The following PDK2 variants were observed in gnomAD, a reference collection of about 807,000 sequenced individuals.
PDK2 encodes the protein pyruvate dehydrogenase kinase, isozyme 2.
A neutral mutation model predicts 50.4 loss-of-function variants in PDK2; 34 were observed. The observed-to-expected ratio is 0.68, with a 90% CI of 0.51 to 0.90. PDK2 has a LOEUF of 0.90. Among genes scored for constraint, PDK2 ranks in the 40% least tolerant of loss-of-function variants. PDK2 has a pLI of 0.00. For synonymous variants in PDK2, 232 were observed against 216.0 expected (o/e 1.07, Z -0.65); for missense variants, 377 against 544.5 (o/e 0.69, Z 3.06).
chr17:50,095,851 G>A lies in PDK2; in HGVS notation c.118+298G>A, dbSNP rs1909910299. 3.7e-6 allele frequency: 4 copies of A among 1,068,440 alleles called. No individual in the cohort carries two copies. The South Asian group carries it at 7.3e-5, about 19-fold the overall frequency. 66.2% of individuals were successfully genotyped at this position (1,068,440 alleles called of 1,614,324 possible). A position where few individuals can be genotyped will look rare whatever the true frequency, so the allele number is the denominator to read the frequency against. On this transcript the variant is annotated intron_variant, in intron 1 of 10. Transcript: ENST00000503176. The stretch of plus-strand genomic sequence containing the variant: ...GCTGTGATGTTACTGCAGGAAGGGA[G>A]TAGGGTGGTATCCAGACGCGAAAGG...
intron 4 of PDK2, chr17:50,106,383 G>C (rs1910519063): frequency 5.7e-6 from 3 of 526,898 alleles, no homozygotes; most frequent in Non-Finnish European, 9.2e-6. Flanking sequence ...TTGTTGTTTA[G>C]AGTTTCTTAT....
chr17:50,100,132 C>A (rs1910148098), intron 2 of PDK2, among the ~76,000 whole-genome samples: 1 of 152,168 alleles, frequency 6.6e-6, no homozygotes, highest in South Asian at 2.1e-4. Context: ...AAGAAGCAAA[C>A]CCTCCTTTCT....
At chr17:50,107,031 G>A (rs764811754) in intron 5 of PDK2, 45 bp from the exon 6 acceptor site, 3 of 1,562,866 alleles carry the variant, frequency 1.9e-6, no homozygotes, top group Non-Finnish European at 1.8e-6. Context: ...AGGACTGCCT[G>A]CTGGGTGGGC....
At chr17:50,095,903 G>A in intron 1 of PDK2, 2 of 701,458 alleles carry the variant, frequency 2.9e-6, no homozygotes, top group Non-Finnish European at 3.6e-6. Flanking sequence ...CTCATGACTG[G>A]AGGAGTAGGG....
rs1179494432 is a variant in PDK2 at position 50,108,427 on chromosome 17, C to A, written c.861+10C>A. ...AGATCTGTCCATCAAGGTATGTGAC[C>A]CTTTGACCTTGGGGACCAGGGAGCA... On this transcript the variant is annotated intron_variant, in intron 8 of 10. Coordinates refer to ENST00000503176, the MANE Select transcript of PDK2 (RefSeq NM_002611.5). 1.2e-6 allele frequency: 2 copies of A among 1,603,046 alleles called. No individual in the cohort carries two copies. Among genetic ancestry groups the A allele is most frequent in the African/African-American group, 2.7e-5 (2 of 74,642 alleles).
chr17:50,100,814 T>C (rs1035820382), intron 2 of PDK2: 1 of 152,126 alleles, frequency 6.6e-6, no homozygotes, highest in Non-Finnish European at 1.5e-5. Flanking sequence ...GGTGGTGGAA[T>C]TGGGATTCGA....
chr17:50,100,413 A>G (rs1026321068), intron 2 of PDK2, among the ~76,000 whole-genome samples: 7 of 152,236 alleles, frequency 4.6e-5, no homozygotes, highest in African/African-American at 1.7e-4. Flanking sequence ...GGCAAGCCAC[A>G]TGGCATCTCT....
Position 50,110,079 on chromosome 17 carries a change from C to T in PDK2, c.1206C>T (p.Ser402=), listed in dbSNP as rs1258489652. The change falls in exon 11 of 11, where the codon TCC becomes TCT. Residue 402 remains serine, a synonymous_variant. Coordinates refer to ENST00000503176, the MANE Select transcript of PDK2 (RefSeq NM_002611.5). ...CCAGCACGGAGCCCAAGAACACGTC[C>T]ACGTACCGCGTCAGCTAAGGGCCGC... ...CVPSTEPKNT[S]TYRVS 1 of 1,609,304 alleles carries T rather than the reference C, an allele frequency of 6.2e-7. No individual in the cohort carries two copies. Among genetic ancestry groups the T allele is most frequent in the Non-Finnish European group, 8.5e-7 (1 of 1,177,608 alleles).
rs538354058 is a variant in PDK2 at position 50,109,744 on chromosome 17, A to T, written c.1084-213A>T. ...GAGTCCGTGACTTGCTCAGGGTCAC[A>T]CAGCCCAGCCTCCTCCCCCTCCCTC... On this transcript the variant is annotated intron_variant, in intron 10 of 10. Transcript: ENST00000503176. The surrounding 1 kb of genome is among the most constrained non-coding windows in gnomAD (Gnocchi z 5.0). Among the ~76,000 whole-genome samples, 4 of 152,104 alleles carry T rather than the reference A, an allele frequency of 2.6e-5. No individual in the cohort carries two copies. Among genetic ancestry groups the T allele is most frequent in the Admixed American group, 6.5e-5 (1 of 15,268 alleles).
chr17:50,108,482 C>T lies in PDK2; in HGVS notation c.861+65C>T, dbSNP rs954633651. On this transcript the variant is annotated intron_variant, in intron 8 of 10. Transcript: ENST00000503176. ...TGGGGGCTTCCCTCCTGCCAGGAGA[C>T]GGGCTTTCCTTTTCTCCTACATGGT... The T allele has an allele frequency of 7.9e-5, 112 of 1,424,726 alleles. 2 individuals are homozygous for T. Among genetic ancestry groups the T allele is most frequent in the South Asian group, 7.8e-4 (67 of 85,574 alleles). The allele number at this position is 1,424,726 out of a possible 1,614,324, so 88.3% of individuals were successfully genotyped here. A position where few individuals can be genotyped will look rare whatever the true frequency, so the allele number is the denominator to read the frequency against.
rs534187725 is a variant in PDK2 at position 50,110,158 on chromosome 17, G to A, written c.*61G>A. 228 of 1,499,128 alleles carry A rather than the reference G, an allele frequency of 1.5e-4. 2 individuals carry two copies. In the South Asian group the frequency reaches 2.8e-3, roughly 18 times the overall value. The allele number at this position is 1,499,128 out of a possible 1,614,324, so 92.9% of individuals were successfully genotyped here. ...GCCGCCTCTGGGTCCCCCCACCGTG[G>A]TGCCCCTCACCATCCTCCTGGGGGA... is the stretch of plus-strand genomic sequence containing the variant. On this transcript the variant is annotated 3_prime_UTR_variant, in exon 11 of 11. Transcript: ENST00000503176.
chr17:50,103,036 G>T (rs1029672696), intron 2 of PDK2, among the ~76,000 whole-genome samples: 5 of 152,224 alleles, frequency 3.3e-5, no homozygotes, highest in Non-Finnish European at 7.3e-5. Context: ...GCTCATCAAG[G>T]CTGTTGGCAG....
chr17:50,106,839 TC>T lies in PDK2; in HGVS notation c.564del (p.Ile188MetfsTer70), dbSNP rs768111349. The T allele has an allele frequency of 6.2e-7, 1 of 1,613,920 alleles. No homozygotes were observed. On this transcript the variant is annotated frameshift_variant, in exon 5 of 11. Transcript: ENST00000503176. LOFTEE classifies it high-confidence loss of function. ...GSTNPAHPKHIGSIDPNCNVS... is the reference protein window; with the variant it reads ...GSTNPAHPKHXGSIDPNCNVS... Reference sequence around the variant, plus strand: ...ACCAACCCAGCCCATCCCAAACACATCGGCAGCATCGACCCCAACTGCAACG... The same window carrying T: ...ACCAACCCAGCCCATCCCAAACACATGGCAGCATCGACCCCAACTGCAACG...
Sources: gnomAD v4.1 joint callset for allele counts (sites outside exome capture counted in the v4.1 genomes callset) on GRCh38, gnomAD v4.1.1 for gene constraint, Gnocchi (gnomAD v3.1) non-coding constraint, MANE v1.5 for transcripts, NCBI Gene and HGNC (gene_info 2026-07-23, HGNC 2026-07-21) for gene names.